Variants in BCAS1 observed in about 807,000 individuals in gnomAD.
BCAS1 encodes brain enriched myelin associated protein 1.
Under a neutral mutation model 65.4 loss-of-function variants are expected in BCAS1, and 46 were observed. That is an observed-to-expected ratio of 0.70 (90% CI 0.55 to 0.90). The LOEUF is 0.90. BCAS1 is among the 40% of genes least tolerant of loss of function. The probability of loss-of-function intolerance (pLI) is 0.00; values close to 1 mark genes in which losing one functional copy is unlikely to be tolerated. For synonymous variants in BCAS1, 298 were observed against 293.5 expected (o/e 1.02, Z -0.16); for missense variants, 793 against 771.2 (o/e 1.03, Z -0.33).
intron 4 of BCAS1, among the ~76,000 whole-genome samples, chr20:54,003,871 G>T (rs2091119366): frequency 6.6e-6 from 1 of 152,208 alleles, no homozygotes; most frequent in African/African-American, 2.4e-5. Context: ...TCTAATATGA[G>T]TTGAACTTTT....
chr20:54,047,459 A>G (rs994457363), intron 3 of BCAS1, among the ~76,000 whole-genome samples: 1 of 152,262 alleles, frequency 6.6e-6, no homozygotes, highest in Non-Finnish European at 1.5e-5. Flanking sequence ...TTTATCTAAC[A>G]GGAATTCTCC....
In BCAS1 at chr20:54,038,236, T is replaced by G. The variant is rs1000051827; in HGVS notation, c.143-9264A>C. 5.9e-5 allele frequency among the ~76,000 whole-genome samples: 9 copies of G among 151,384 alleles called. 1 individual carries two copies. The highest frequency in any genetic ancestry group is 1.2e-4 in the Non-Finnish European group (8 of 67,636). On this transcript the variant is annotated intron_variant, in intron 3 of 12. Coordinates refer to ENST00000688948, the MANE Select transcript of BCAS1 (RefSeq NM_001366298.2). ...ACCTTCTTATCATTCAAGACTTAGG[T>G]TATGTCAGGCCTTCCCTGACTCCTC...
At chr20:54,026,972 A>G (rs984922266) in intron 4 of BCAS1, among the ~76,000 whole-genome samples, 2 of 152,180 alleles carry the variant, frequency 1.3e-5, no homozygotes, top group Non-Finnish European at 2.9e-5. Flanking sequence ...CTCGCCCTTC[A>G]CTGTGGTCCC....
At chr20:54,022,946 C>G (rs886978852) in intron 4 of BCAS1, among the ~76,000 whole-genome samples, 1 of 152,202 alleles carries the variant, frequency 6.6e-6, no homozygotes, top group South Asian at 2.1e-4. Flanking sequence ...AGTGGTATAG[C>G]TGAGGACCTT....
At chr20:53,965,074 AT>A (rs1568819401) in intron 10 of BCAS1, among the ~76,000 whole-genome samples, 1 of 152,228 alleles carries the variant, frequency 6.6e-6, no homozygotes, top group Non-Finnish European at 1.5e-5. Context: ...TTTAAAAAAA[AT>A]CTCAAGTCTT....
At position 53,968,240 on chromosome 20, in the gene BCAS1, C is replaced by A. The variant is rs1294273258; in HGVS notation, c.1318-1167G>T. Among the ~76,000 whole-genome samples, 4 of 152,140 alleles carry A rather than the reference C, an allele frequency of 2.6e-5. No individual in the cohort carries two copies. The East Asian group carries it at 7.7e-4, about 29-fold the overall frequency. The stretch of plus-strand genomic sequence containing the variant: ...TGGAGACCACAAATGGCCTATGAAG[C>A]CTGAAATATTTACTATCTGGCCCTT... On this transcript the variant is annotated intron_variant, in intron 9 of 12. Transcript: ENST00000688948.
Position 53,982,014 on chromosome 20 carries a change from T to C in BCAS1, c.1275+3273A>G, listed in dbSNP as rs150572467. Among the ~76,000 whole-genome samples, 848 of 152,344 alleles carry C rather than the reference T, an allele frequency of 5.6e-3. 7 individuals are homozygous for C. The highest frequency in any genetic ancestry group is 8.7e-3 in the Non-Finnish European group (593 of 68,014). On this transcript the variant is annotated intron_variant, in intron 8 of 12. Transcript: ENST00000688948. Reference sequence around the variant, plus strand: ...GACATCATTCACTGAGCACATACTATATATTAGGTGCTTTATATGTACAAT... The same window carrying C: ...GACATCATTCACTGAGCACATACTACATATTAGGTGCTTTATATGTACAAT...
Position 54,058,105 on chromosome 20 carries a change from G to C in BCAS1, c.122C>G (p.Thr41Arg). 1 of 1,613,310 alleles carries C rather than the reference G, an allele frequency of 6.2e-7. No individual in the cohort carries two copies. Among genetic ancestry groups the C allele is most frequent in the East Asian group, 2.2e-5 (1 of 44,844 alleles). Residue 41 changes from threonine to arginine, a missense_variant, in exon 3 of 13, where the codon ACA becomes AGA. Thr to Arg is a moderately conservative substitution (Grantham distance 71). Coordinates refer to ENST00000688948, the MANE Select transcript of BCAS1 (RefSeq NM_001366298.2). ...CTGACCTTCCTCTAAGTGCTGAACT[G>C]TGTGGGTCGACACCACCACTGGAAC... ...NGVPVVVSTHTVQHLEEVDLG... is the reference protein window; with the variant it reads ...NGVPVVVSTHRVQHLEEVDLG...
At chr20:53,997,226 T>C (rs553479527) in intron 4 of BCAS1, among the ~76,000 whole-genome samples, 25 of 152,378 alleles carry the variant, frequency 1.6e-4, no homozygotes, top group African/African-American at 6.0e-4. Context: ...ACAGGGATAA[T>C]ATCTACTTCA....
At chr20:53,985,873 C>A (rs975499411) in intron 7 of BCAS1, among the ~76,000 whole-genome samples, 3 of 152,098 alleles carry the variant, frequency 2.0e-5, no homozygotes, top group Non-Finnish European at 4.4e-5. Flanking sequence ...GAATTTCCAC[C>A]TTCAATACAT....
intron 4 of BCAS1, among the ~76,000 whole-genome samples, chr20:54,006,905 G>A (rs17460648): frequency 0.12 from 18,832 of 152,112 alleles, 1,547 homozygotes; most frequent in Middle Eastern, 0.22. Context: ...GGAAAAAACC[G>A]AAGTGGACAA....
Position 54,058,647 on chromosome 20 carries a change from C to T in BCAS1, c.72G>A (p.Gln24=). 1.3e-6 allele frequency: 2 copies of T among 1,588,946 alleles called. No individual in the cohort carries two copies. Among genetic ancestry groups the T allele is most frequent in the African/African-American group, 1.4e-5 (1 of 72,782 alleles). ...QENEPEAETY[Q]DNASALNGVP... ...GCCCCTGTAATGGTTACTACACTAC[C>T]TGGTAAGTCTCTGCTTCTGGTTCAT... Residue 24 remains glutamine, a splice_region_variant and synonymous_variant, in exon 2 of 13, where the codon CAG becomes CAA. Coordinates refer to ENST00000688948, the MANE Select transcript of BCAS1 (RefSeq NM_001366298.2).
chr20:54,049,441 A>G (rs963803070), intron 3 of BCAS1, among the ~76,000 whole-genome samples: 15 of 152,196 alleles, frequency 9.9e-5, no homozygotes, highest in African/African-American at 3.4e-4. Context: ...GAAGGCCAAA[A>G]ATCAGGCATT....
intron 1 of BCAS1, among the ~76,000 whole-genome samples, chr20:54,069,272 G>A (rs6123354): frequency 0.14 from 20,684 of 152,104 alleles, 1,846 homozygotes; most frequent in East Asian, 0.28. Flanking sequence ...ACACCAAAAA[G>A]CTCAGCCATG....
chr20:54,022,787 A>G (rs2091590552), intron 4 of BCAS1, among the ~76,000 whole-genome samples: 1 of 152,188 alleles, frequency 6.6e-6, no homozygotes, highest in Non-Finnish European at 1.5e-5. Flanking sequence ...TGGGGCTATT[A>G]TTGTCATTTA....
chr20:53,997,920 T>C (rs1170066101), intron 4 of BCAS1, among the ~76,000 whole-genome samples: 1 of 152,148 alleles, frequency 6.6e-6, no homozygotes, highest in Non-Finnish European at 1.5e-5. Flanking sequence ...CGTGTAGTCC[T>C]TCCTTTCATC....
chr20:53,977,983 C>T (rs2090377942), intron 8 of BCAS1, among the ~76,000 whole-genome samples: 2 of 151,720 alleles, frequency 1.3e-5, no homozygotes, highest in Admixed American at 1.3e-4. Context: ...TGGTGCGCTG[C>T]ACCCACTAAC....
In BCAS1 at chr20:54,007,581, G is replaced by A. The variant is rs2091227683; in HGVS notation, c.724-11531C>T. On this transcript the variant is annotated intron_variant, in intron 4 of 12. Transcript: ENST00000688948. Reference sequence around the variant, plus strand: ...AACTGCAGTAATGTCTCCTGCCTTGGACAGACAGTAGCTATGGAGGAGCAA... The same window carrying A: ...AACTGCAGTAATGTCTCCTGCCTTGAACAGACAGTAGCTATGGAGGAGCAA... Among the ~76,000 whole-genome samples, 6 of 152,192 alleles carry A rather than the reference G, an allele frequency of 3.9e-5. No homozygotes were observed. In the South Asian group the frequency reaches 1.2e-3, roughly 32 times the overall value.
chr20:54,065,224 G>C (rs1243758262), intron 1 of BCAS1, among the ~76,000 whole-genome samples: 2 of 150,368 alleles, frequency 1.3e-5, no homozygotes, highest in African/African-American at 4.9e-5. Flanking sequence ...CAATGTTTAG[G>C]GTATTTTATT....
Sources: allele counts gnomAD v4.1 joint callset (sites outside exome capture counted in the v4.1 genomes callset), GRCh38; gene constraint gnomAD v4.1.1; transcripts MANE v1.5; gene names NCBI Gene and HGNC (gene_info 2026-07-23, HGNC 2026-07-21).